FNDC3A: variants seen among roughly 807,000 people sequenced by gnomAD.
The protein encoded by FNDC3A is fibronectin type III domain containing 3A.
In FNDC3A, 32 loss-of-function variants were observed where a neutral mutation model predicts 148.9. The ratio of observed to expected loss-of-function variants is 0.21; its 90% CI spans 0.16 to 0.29. The LOEUF is 0.29. Among genes scored for constraint, FNDC3A ranks in the 10% least tolerant of loss-of-function variants. FNDC3A has a pLI of 1.00. For synonymous variants in FNDC3A, 472 were observed against 473.6 expected (o/e 1.00, Z 0.04); for missense variants, 1,191 against 1,452.8 (o/e 0.82, Z 2.93).
chr13:49,100,010 A>G (rs1018795682), intron 3 of FNDC3A, among the ~76,000 whole-genome samples: 36 of 152,260 alleles, frequency 2.4e-4, no homozygotes, highest in African/African-American at 8.4e-4. Context: ...TAGGATGACT[A>G]TTTGAAAGAA....
At chr13:49,111,691 A>G (rs371199137) in intron 3 of FNDC3A, among the ~76,000 whole-genome samples, 2 of 149,840 alleles carry the variant, frequency 1.3e-5, no homozygotes, top group South Asian at 2.1e-4. Flanking sequence ...GCGCCACTGC[A>G]CTCCAGCCTG....
chr13:48,997,803 G>A (rs1952050431), intron 1 of FNDC3A, among the ~76,000 whole-genome samples: 1 of 151,988 alleles, frequency 6.6e-6, no homozygotes, highest in South Asian at 2.1e-4. Context: ...TTGGTGCTAA[G>A]AAATGGGTGA....
intron 16 of FNDC3A, chr13:49,187,689 G>A: frequency 6.5e-7 from 1 of 1,548,680 alleles, no homozygotes; most frequent in South Asian, 1.1e-5. Flanking sequence ...TGGAAGCTCT[G>A]CGAAAGGCAC....
chr13:49,116,737 G>A (rs1299072073), intron 4 of FNDC3A, among the ~76,000 whole-genome samples: 2 of 149,360 alleles, frequency 1.3e-5, no homozygotes, highest in Non-Finnish European at 3.0e-5. Context: ...AGTGAGCCGA[G>A]ATCGCACCAT....
chr13:49,147,547 G>A (rs959924681), intron 8 of FNDC3A, among the ~76,000 whole-genome samples: 17 of 151,492 alleles, frequency 1.1e-4, no homozygotes, highest in African/African-American at 3.6e-4. Flanking sequence ...AAAAAAAAAA[G>A]TAGGGAATAG....
intron 2 of FNDC3A, among the ~76,000 whole-genome samples, chr13:49,057,043 A>G (rs1193208442): frequency 2.6e-5 from 4 of 152,174 alleles, no homozygotes; most frequent in Admixed American, 6.5e-5. Flanking sequence ...GTTTAAGGAT[A>G]TGTCTTCAAA....
chr13:49,020,929 A>C (rs1873277443), intron 2 of FNDC3A, among the ~76,000 whole-genome samples: 1 of 152,232 alleles, frequency 6.6e-6, no homozygotes, highest in Admixed American at 6.5e-5. Context: ...CTATAAAAAT[A>C]GTAAATTAAT....
At chr13:49,119,733 G>A (rs1342136530) in intron 4 of FNDC3A, among the ~76,000 whole-genome samples, 2 of 151,794 alleles carry the variant, frequency 1.3e-5, no homozygotes, top group Non-Finnish European at 2.9e-5. Context: ...CAGAAGAAAG[G>A]ATGTCAGAGA....
intron 19 of FNDC3A, among the ~76,000 whole-genome samples, chr13:49,196,302 CG>C (rs1170847844): frequency 6.6e-6 from 1 of 151,828 alleles, no homozygotes; most frequent in Non-Finnish European, 1.5e-5. Context: ...TCCTATGTGT[CG>C]GGGAAGGAAT....
chr13:48,999,007 A>G (rs143354169), intron 1 of FNDC3A, among the ~76,000 whole-genome samples: 49 of 152,338 alleles, frequency 3.2e-4, no homozygotes, highest in African/African-American at 9.4e-4. Flanking sequence ...CAGGGCTGCT[A>G]CGCCCACTAC....
Position 49,136,586 on chromosome 13 carries a change from G to A in FNDC3A, c.745G>A (p.Asp249Asn). ...SGKGKGGTQV[D>N]TEIEEKDEET... The stretch of plus-strand genomic sequence containing the variant: ...GAAGGGGAAAGGTGGTACACAAGTT[G>A]ATACAGAAATTGAAGGTAACTGTTT... The change falls in exon 6 of 26, where the codon GAT becomes AAT. Residue 249 changes from aspartate to asparagine, a missense_variant. By Grantham distance (23) the Asp-to-Asn change is conservative (BLOSUM62 1). Around this residue, in one of 3 missense-constraint regions of FNDC3A, gnomAD observed 426 missense variants for 473.2 expected, o/e 0.90. Transcript: ENST00000492622. The A allele has an allele frequency of 6.2e-7, 1 of 1,612,248 alleles. No homozygotes were observed. The highest frequency in any genetic ancestry group is 8.5e-7 in the Non-Finnish European group (1 of 1,178,414).
intron 1 of FNDC3A, among the ~76,000 whole-genome samples, chr13:49,003,910 T>C (rs1168845171): frequency 6.6e-6 from 1 of 152,180 alleles, no homozygotes; most frequent in African/African-American, 2.4e-5. Context: ...TAAATAAATG[T>C]TGATATATCA....
intron 3 of FNDC3A, among the ~76,000 whole-genome samples, chr13:49,094,298 C>T (rs1393712867): frequency 6.6e-6 from 1 of 152,016 alleles, no homozygotes; most frequent in Non-Finnish European, 1.5e-5. Context: ...TGTAAAATAC[C>T]TTTCTGATTA....
intron 2 of FNDC3A, among the ~76,000 whole-genome samples, chr13:49,039,876 C>T (rs541560561): frequency 2.6e-4 from 39 of 152,102 alleles, no homozygotes; most frequent in South Asian, 1.0e-3. Context: ...CACCATACCC[C>T]GCTAATTTTG....
chr13:49,017,950 A>T (rs1024248853), intron 2 of FNDC3A, among the ~76,000 whole-genome samples: 12 of 152,266 alleles, frequency 7.9e-5, no homozygotes, highest in African/African-American at 2.6e-4. Flanking sequence ...TCTGGCTTGT[A>T]GAGTTTCTGC....
At chr13:49,193,549 T>C (rs1885997137) in intron 19 of FNDC3A, among the ~76,000 whole-genome samples, 1 of 152,190 alleles carries the variant, frequency 6.6e-6, no homozygotes, top group Non-Finnish European at 1.5e-5. Context: ...GGCATGAGCC[T>C]CTGCACCTGA....
intron 2 of FNDC3A, among the ~76,000 whole-genome samples, chr13:49,039,299 T>C (rs950875050): frequency 2.0e-5 from 3 of 152,226 alleles, no homozygotes; most frequent in East Asian, 3.8e-4. Flanking sequence ...ATTTATTTTT[T>C]AAAATCTGGA....
chr13:49,045,900 G>C (rs1875364974), intron 2 of FNDC3A: 1 of 234,004 alleles, frequency 4.3e-6, no homozygotes, highest in African/African-American at 2.3e-5. Flanking sequence ...AGCAATTCTA[G>C]AGAAGTTTTT....
rs757296215 is a variant in FNDC3A, at chr13:49,203,265, A to G, written c.3263A>G (p.Lys1088Arg). 6.2e-7 allele frequency: 1 copy of G among 1,609,098 alleles called. No homozygotes were observed. The highest frequency in any genetic ancestry group is 8.5e-7 in the Non-Finnish European group (1 of 1,175,960). Residue 1088 changes from lysine (K) to arginine (R), a missense_variant, in exon 25 of 26, where the codon AAA becomes AGA. Transcript: ENST00000492622. ...TACAGTCTTCAAGTTATGTTGGGAA[A>G]AGATTCAGAATTCAAACAGGTATGT... The part of the protein sequence containing the change: ...VIYSLQVMLG[K>R]DSEFKQIYKG...
Sources: gnomAD v4.1 joint callset for allele counts (sites outside exome capture counted in the v4.1 genomes callset) on GRCh38, gnomAD v4.1.1 for gene constraint, gnomAD v4.1.1 regional missense constraint, MANE v1.5 for transcripts, NCBI Gene and HGNC (gene_info 2026-07-23, HGNC 2026-07-21) for gene names.